Variants in NUSAP1 observed in about 807,000 individuals in gnomAD.
NUSAP1 encodes the protein nucleolar and spindle associated protein 1.
A neutral mutation model predicts 52.8 loss-of-function variants in NUSAP1; 32 were observed. The ratio of observed to expected loss-of-function variants is 0.61; its 90% CI spans 0.46 to 0.81. The LOEUF is 0.81. NUSAP1 is among the 40% of genes least tolerant of loss of function. The probability of loss-of-function intolerance (pLI) is 0.00; values close to 1 mark genes in which losing one functional copy is unlikely to be tolerated. For missense variants in NUSAP1, 499 were observed against 522.3 expected (o/e 0.96, Z 0.43); for synonymous variants, 195 against 183.1 (o/e 1.06, Z -0.52).
At chr15:41,334,133 C>G (rs750338817) in intron 1 of NUSAP1, among the ~76,000 whole-genome samples, 1 of 151,298 alleles carries the variant, frequency 6.6e-6, no homozygotes, top group Non-Finnish European at 1.5e-5. Flanking sequence ...TTTGTTTTTT[C>G]TTTGAGACGG....
Position 41,380,114 on chromosome 15 carries a change from C to G in NUSAP1, c.1254C>G (p.Arg418=). 1 of 1,586,164 alleles carries G rather than the reference C, an allele frequency of 6.3e-7. No homozygotes were observed. Among genetic ancestry groups the G allele is most frequent in the Non-Finnish European group, 8.6e-7 (1 of 1,166,124 alleles). ...LQTKEEQRKK[R]EQERKEKKAK... is the part of the protein sequence containing the mutation. ...TCAGGGAAGAGCAACGGAAGAAACG[C>G]GAGCAAGAACGAAAGGAGAAGAAAG... The change falls in exon 11 of 11, where the codon CGC becomes CGG. Residue 418 remains arginine (R), a synonymous_variant. Coordinates refer to ENST00000559596, the MANE Select transcript of NUSAP1 (RefSeq NM_016359.5).
At chr15:41,358,612 G>A (rs186484277) in intron 6 of NUSAP1, among the ~76,000 whole-genome samples, 13 of 152,256 alleles carry the variant, frequency 8.5e-5, no homozygotes, top group African/African-American at 2.9e-4. Context: ...GCACATGGCT[G>A]TAATCCCATC....
intron 6 of NUSAP1, among the ~76,000 whole-genome samples, chr15:41,363,284 TAA>T (rs751252600): frequency 1.6e-4 from 18 of 113,926 alleles, no homozygotes; most frequent in Middle Eastern, 4.9e-3. Context: ...AGTCTCCATC[TAA>T]AAAAAAAAAA....
Position 41,356,052 on chromosome 15 carries a change from A to G in NUSAP1, c.462A>G (p.Ser154=). The change falls in exon 5 of 11, where the codon TCA becomes TCG. Residue 154 remains serine (S), a synonymous_variant. Coordinates refer to ENST00000559596, the MANE Select transcript of NUSAP1 (RefSeq NM_016359.5). ...ENAVSSGNRD[S]KVPSEGKKSL... ...CTTTGGATTTAGGTAACAGAGATTCAAAGGTACCTTCAGAAGGAAAGAAAT... is the reference window on the plus strand; with the variant it reads ...CTTTGGATTTAGGTAACAGAGATTCGAAGGTACCTTCAGAAGGAAAGAAAT... The G allele has an allele frequency of 6.3e-7, 1 of 1,597,822 alleles. No individual in the cohort carries two copies. The highest frequency in any genetic ancestry group is 8.6e-7 in the Non-Finnish European group (1 of 1,168,224).
chr15:41,340,148 C>A (rs2048322560), intron 1 of NUSAP1, among the ~76,000 whole-genome samples: 1 of 152,112 alleles, frequency 6.6e-6, no homozygotes, highest in Non-Finnish European at 1.5e-5. Flanking sequence ...ATCTCCCTGC[C>A]CTCCATATAC....
At position 41,380,180 on chromosome 15, in the gene NUSAP1, A is replaced by G; in HGVS notation, c.1320A>G (p.Glu440=). 1 of 1,565,932 alleles carries G rather than the reference A, an allele frequency of 6.4e-7. No individual in the cohort carries two copies. Among genetic ancestry groups the G allele is most frequent in the Non-Finnish European group, 8.7e-7 (1 of 1,154,838 alleles). ...LGMRRGLILA[E]D ...TGCGAAGGGGCCTCATTTTGGCTGA[A>G]GATTAATAATTTTTTAACATCTTGT... The change falls in exon 11 of 11, where the codon GAA becomes GAG. Residue 440 remains glutamate, a synonymous_variant. Transcript: ENST00000559596.
chr15:41,363,409 C>CT (rs2049266323), intron 6 of NUSAP1, among the ~76,000 whole-genome samples: 1 of 151,572 alleles, frequency 6.6e-6, no homozygotes, highest in African/African-American at 2.4e-5. Context: ...GAGTCTCACC[C>CT]TGTCACCCAG....
chr15:41,378,626 C>T (rs1012346607), intron 10 of NUSAP1, among the ~76,000 whole-genome samples: 10 of 152,002 alleles, frequency 6.6e-5, no homozygotes, highest in Non-Finnish European at 1.3e-4. Flanking sequence ...CAAAATTAGC[C>T]GGGCGTGGTG....
chr15:41,360,182 A>G (rs1215783613), intron 6 of NUSAP1, among the ~76,000 whole-genome samples: 1 of 152,066 alleles, frequency 6.6e-6, no homozygotes, highest in Non-Finnish European at 1.5e-5. Flanking sequence ...TGTGTTGCCC[A>G]GGCTGGAGTG....
intron 6 of NUSAP1, among the ~76,000 whole-genome samples, 154 bp downstream of exon 6, chr15:41,358,412 C>A (rs528311622): frequency 6.6e-6 from 1 of 152,162 alleles, no homozygotes; most frequent in South Asian, 2.1e-4. Flanking sequence ...TTTCCCCTAC[C>A]CTGAGAATTT....
At position 41,339,411 on chromosome 15, in the gene NUSAP1, CT is replaced by C. The variant is rs910899570; in HGVS notation, c.94-2959del. ...TGTTTATTACATTACTTCGACTTTT[CT>C]TTTTTTTTTTTTTTTGAGACGGAGT... On this transcript the variant is annotated intron_variant, in intron 1 of 10. Coordinates refer to ENST00000559596, the MANE Select transcript of NUSAP1 (RefSeq NM_016359.5). Among the ~76,000 whole-genome samples, 320 of 132,512 alleles carry C rather than the reference CT, an allele frequency of 2.4e-3. 1 individual carries two copies. Among genetic ancestry groups the C allele is most frequent in the African/African-American group, 4.9e-3 (179 of 36,464 alleles). The allele number at this position is 132,512 out of a possible 152,430, so 86.9% of individuals were successfully genotyped here.
chr15:41,343,628 A>C (rs2048445614), intron 2 of NUSAP1, among the ~76,000 whole-genome samples: 1 of 152,078 alleles, frequency 6.6e-6, no homozygotes, highest in Admixed American at 6.5e-5. Flanking sequence ...TGCTGGGATT[A>C]CAGGGGTGAG....
At position 41,333,070 on chromosome 15, in the gene NUSAP1, G is replaced by C. The variant is rs765378294; in HGVS notation, c.93+20G>C. The C allele has an allele frequency of 8.2e-6, 13 of 1,593,042 alleles. No individual in the cohort carries two copies. The highest frequency in any genetic ancestry group is 1.1e-5 in the Non-Finnish European group (13 of 1,167,242). ...CTGAGGGTACGGCGCTGGCGGTGCG[G>C]GTCCCTGGGCGGGCGCGGCGGGAAT... On this transcript the variant is annotated intron_variant, in intron 1 of 10. Transcript: ENST00000559596.
chr15:41,338,036 G>A (rs566755381), intron 1 of NUSAP1, among the ~76,000 whole-genome samples: 7 of 148,172 alleles, frequency 4.7e-5, no homozygotes, highest in Non-Finnish European at 4.4e-5. Context: ...AGGTTCAAGC[G>A]ATTCTCCTGC....
chr15:41,366,970 CTG>C (rs1254145798), intron 7 of NUSAP1, among the ~76,000 whole-genome samples: 2 of 152,164 alleles, frequency 1.3e-5, no homozygotes, highest in South Asian at 4.1e-4. Context: ...AATATAGTCT[CTG>C]TGTAGTTTCT....
At position 41,350,979 on chromosome 15, in the gene NUSAP1, A is replaced by G. The variant is rs1255030992; in HGVS notation, c.307-9A>G. On this transcript the variant is annotated splice_polypyrimidine_tract_variant and intron_variant, in intron 3 of 10. Transcript: ENST00000559596. ...ATCGAAATCTTTTATTTCCTTTTTA[A>G]ATTTGTAGCAGAATCATTCAGAGAT... is the stretch of plus-strand genomic sequence containing the variant. The G allele has an allele frequency of 3.1e-6, 5 of 1,590,846 alleles. No individual in the cohort carries two copies. Among genetic ancestry groups the G allele is most frequent in the Non-Finnish European group, 4.3e-6 (5 of 1,170,310 alleles).
chr15:41,346,716 A>ACTCGGGAGGCTGAGGCAGGAGAATCG, intron 2 of NUSAP1, among the ~76,000 whole-genome samples: 1 of 151,816 alleles, frequency 6.6e-6, no homozygotes, highest in East Asian at 1.9e-4. Flanking sequence ...AGTCCCAGCT[A>ACTCGGGAGGCTGAGGCAGGAGAATCG]CTCGGGAGGC....
intron 2 of NUSAP1, chr15:41,344,171 A>T (rs1209797382): frequency 6.7e-6 from 1 of 149,008 alleles, no homozygotes; most frequent in Admixed American, 6.8e-5. Flanking sequence ...CAGAGATCAA[A>T]CCATTGCACT....
intron 7 of NUSAP1, among the ~76,000 whole-genome samples, chr15:41,371,137 A>T (rs1041365251): frequency 5.0e-4 from 76 of 152,242 alleles, no homozygotes; most frequent in African/African-American, 1.8e-3. Flanking sequence ...ACCTGTTCTC[A>T]CCACTCACCT....
Sources: gnomAD v4.1 joint callset for allele counts (sites outside exome capture counted in the v4.1 genomes callset) on GRCh38, gnomAD v4.1.1 for gene constraint, MANE v1.5 for transcripts, NCBI Gene and HGNC (gene_info 2026-07-23, HGNC 2026-07-21) for gene names.